The following MAML2 variants were observed in gnomAD, a reference collection of about 807,000 sequenced individuals.
MAML2 encodes mastermind like transcriptional coactivator 2.
MAML2 carries 22 observed loss-of-function variants against 96.1 expected under a neutral mutation model. That is an observed-to-expected ratio of 0.23 (90% CI 0.16 to 0.33). MAML2 has a LOEUF of 0.33. Ranked by LOEUF, MAML2 falls within the 10% of genes least tolerant of loss-of-function variation. MAML2 has a pLI of 1.00. For missense variants in MAML2, 1,367 were observed against 1,392.4 expected (o/e 0.98, Z 0.29); for synonymous variants, 561 against 521.3 (o/e 1.08, Z -1.04).
chr11:96,123,742 G>C (rs1388749866), intron 1 of MAML2, among the ~76,000 whole-genome samples: 1 of 152,158 alleles, frequency 6.6e-6, no homozygotes, highest in Non-Finnish European at 1.5e-5. Flanking sequence ...CACAGATGGG[G>C]AAGGGAGGGA....
At chr11:96,316,987 CTTTA>C (rs1271866784) in intron 1 of MAML2, among the ~76,000 whole-genome samples, 1 of 152,164 alleles carries the variant, frequency 6.6e-6, no homozygotes, top group Non-Finnish European at 1.5e-5. Flanking sequence ...CTGGTGGACA[CTTTA>C]TTTAAGAGTT....
chr11:96,001,860 A>G lies in MAML2; in HGVS notation c.2140-10137T>C, dbSNP rs112253335. Among the ~76,000 whole-genome samples the G allele has an allele frequency of 7.5e-4, 114 of 152,160 alleles. 1 individual carries two copies. The highest frequency in any genetic ancestry group is 6.8e-3 in the Middle Eastern group (2 of 292). The stretch of plus-strand genomic sequence containing the variant: ...TCTCAACACATCCTTTCCTCACCCT[A>G]TACAATGGTGATACTAAACTACATG... On this transcript the variant is annotated intron_variant, in intron 2 of 4. Transcript: ENST00000524717.
chr11:96,036,206 AC>A lies in MAML2; in HGVS notation c.2140-44484del, dbSNP rs1464039420. Among the ~76,000 whole-genome samples, 9 of 152,100 alleles carry A rather than the reference AC, an allele frequency of 5.9e-5. No individual in the cohort carries two copies. The East Asian group carries it at 1.3e-3, about 23-fold the overall frequency. ...AATCTCTCATCTAATGAGTGGCTTA[AC>A]CCCACCGGAATGACACATACAAACG... On this transcript the variant is annotated intron_variant, in intron 2 of 4. Transcript: ENST00000524717.
chr11:96,333,648 G>T (rs1863881154), intron 1 of MAML2, among the ~76,000 whole-genome samples: 1 of 152,172 alleles, frequency 6.6e-6, no homozygotes, highest in South Asian at 2.1e-4. Context: ...ACATGCTCCT[G>T]CTTAGGGTTG....
At chr11:96,031,454 C>T (rs766196187) in intron 2 of MAML2, among the ~76,000 whole-genome samples, 1 of 152,184 alleles carries the variant, frequency 6.6e-6, no homozygotes, top group Non-Finnish European at 1.5e-5. Context: ...CAGTACCTCT[C>T]AGAGTCATTG....
intron 2 of MAML2, among the ~76,000 whole-genome samples, chr11:95,999,311 A>C (rs1401116738): frequency 6.6e-6 from 1 of 152,188 alleles, no homozygotes; most frequent in African/African-American, 2.4e-5. Flanking sequence ...ATCTTTAAAA[A>C]AGATGTTAAC....
intron 2 of MAML2, among the ~76,000 whole-genome samples, chr11:96,051,150 A>G (rs921256477): frequency 1.3e-5 from 2 of 152,206 alleles, no homozygotes; most frequent in African/African-American, 4.8e-5. Context: ...GAAACTTAAA[A>G]TTAATTCATC....
chr11:95,998,078 A>G (rs888168488), intron 2 of MAML2, among the ~76,000 whole-genome samples: 1 of 152,098 alleles, frequency 6.6e-6, no homozygotes, highest in Non-Finnish European at 1.5e-5. Context: ...CAGCTTCCTT[A>G]TATAGCAAAG....
At chr11:96,081,112 A>C (rs759168018) in intron 2 of MAML2, among the ~76,000 whole-genome samples, 13 of 152,134 alleles carry the variant, frequency 8.5e-5, no homozygotes, top group Non-Finnish European at 1.8e-4. Context: ...AATCCTGAAA[A>C]GGCAGGGGGT....
chr11:96,131,254 G>A (rs1474333875), intron 1 of MAML2, among the ~76,000 whole-genome samples: 1 of 151,884 alleles, frequency 6.6e-6, no homozygotes, highest in East Asian at 1.9e-4. Flanking sequence ...AAATATATAT[G>A]CACCTGAAAA....
rs530153889 is a variant in MAML2 at position 96,047,653 on chromosome 11, G to A, written c.2139+44239C>T. On this transcript the variant is annotated intron_variant, in intron 2 of 4. Transcript: ENST00000524717. Reference sequence around the variant, plus strand: ...TGGCCGGGCGCGGTGGCTCATGCCTGTAATCCCAGCACGTTGAAAGGCCGA... The same window carrying A: ...TGGCCGGGCGCGGTGGCTCATGCCTATAATCCCAGCACGTTGAAAGGCCGA... Among the ~76,000 whole-genome samples, 8 of 152,160 alleles carry A rather than the reference G, an allele frequency of 5.3e-5. No homozygotes were observed. In the South Asian group the frequency reaches 1.7e-3, roughly 32 times the overall value.
chr11:96,051,053 T>C (rs77830265), intron 2 of MAML2, among the ~76,000 whole-genome samples: 89 of 151,760 alleles, frequency 5.9e-4, no homozygotes, highest in African/African-American at 2.1e-3. Context: ...GTTGGTTTAG[T>C]GTCATTTCCT....
chr11:96,091,702 G>A (rs1859708595), intron 2 of MAML2, among the ~76,000 whole-genome samples, 190 bp downstream of exon 2: 1 of 152,148 alleles, frequency 6.6e-6, no homozygotes, highest in African/African-American at 2.4e-5. Context: ...GCTCTACAGG[G>A]AAGTACTAGT....
In MAML2 at chr11:96,181,953, T is replaced by A. The variant is rs187968040; in HGVS notation, c.514-88436A>T. Among the ~76,000 whole-genome samples, 4 of 152,340 alleles carry A rather than the reference T, an allele frequency of 2.6e-5. No homozygotes were observed. In the East Asian group the frequency reaches 7.7e-4, roughly 29 times the overall value. ...TATTGTAAATTTCCTAAACTCAGTT[T>A]TATGTCTCATCTTGGCTCCCTTAAA... On this transcript the variant is annotated intron_variant, in intron 1 of 4. Coordinates refer to ENST00000524717, the MANE Select transcript of MAML2 (RefSeq NM_032427.4).
intron 1 of MAML2, among the ~76,000 whole-genome samples, chr11:96,337,769 C>A (rs1863938248): frequency 6.6e-6 from 1 of 152,206 alleles, no homozygotes; most frequent in South Asian, 2.1e-4. Context: ...TATTATCATT[C>A]ATTGTTTAGA....
At chr11:96,281,354 T>C (rs1863061444) in intron 1 of MAML2, among the ~76,000 whole-genome samples, 1 of 151,968 alleles carries the variant, frequency 6.6e-6, no homozygotes, top group South Asian at 2.1e-4. Context: ...AGAGTGCTAG[T>C]GTTGCCGCTA....
chr11:96,038,604 G>A (rs1453935322), intron 2 of MAML2, among the ~76,000 whole-genome samples: 2 of 152,200 alleles, frequency 1.3e-5, no homozygotes, highest in Non-Finnish European at 2.9e-5. Flanking sequence ...CTTACTGCAT[G>A]GTATTTGTAT....
chr11:96,000,438 G>A lies in MAML2; in HGVS notation c.2140-8715C>T, dbSNP rs78327042. ...TTGAATAGTTGTGCCAGAGACCTAC[G>A]GCACACAAAGCCTATAATATTTACT... On this transcript the variant is annotated intron_variant, in intron 2 of 4. Coordinates refer to ENST00000524717, the MANE Select transcript of MAML2 (RefSeq NM_032427.4). 6.9e-3 allele frequency among the ~76,000 whole-genome samples: 1,053 copies of A among 152,142 alleles called. 12 individuals are homozygous for A. Among genetic ancestry groups the A allele is most frequent in the African/African-American group, 0.02 (850 of 41,498 alleles).
At position 96,243,543 on chromosome 11, in the gene MAML2, C is replaced by T. The variant is rs183578763; in HGVS notation, c.513+97840G>A. ...GAGCCATCACCTGAGAAATCCACAG[C>T]CTTTTCTCATCAGGCTTAGACTGTT... On this transcript the variant is annotated intron_variant, in intron 1 of 4. Transcript: ENST00000524717. 4.4e-3 allele frequency among the ~76,000 whole-genome samples: 667 copies of T among 152,352 alleles called. 8 individuals carry two copies. The highest frequency in any genetic ancestry group is 0.015 in the African/African-American group (628 of 41,582).
Sources: allele counts gnomAD v4.1 joint callset (sites outside exome capture counted in the v4.1 genomes callset), GRCh38; gene constraint gnomAD v4.1.1; transcripts MANE v1.5; gene names NCBI Gene and HGNC (gene_info 2026-07-23, HGNC 2026-07-21).